Variants in NFIL3 observed in about 807,000 individuals in gnomAD.
NFIL3 encodes nuclear factor interleukin-3-regulated protein.
In NFIL3, 5 loss-of-function variants were observed where a neutral mutation model predicts 10.0. The ratio of observed to expected loss-of-function variants is 0.50; its 90% CI spans 0.26 to 1.06. NFIL3 has a LOEUF of 1.06. Ranked by LOEUF, NFIL3 falls within the 50% of genes least tolerant of loss-of-function variation. The pLI is 0.13. For synonymous variants in NFIL3, 202 were observed against 206.5 expected (o/e 0.98, Z 0.19); for missense variants, 436 against 547.6 (o/e 0.80, Z 2.03).
At chr9:91,458,521 T>C in the NFIL3 span, among the ~76,000 whole-genome samples, 5 of 152,236 alleles carry the variant, frequency 3.3e-5, no homozygotes, top group South Asian at 6.2e-4. Context: ...CCTTCATTTC[T>C]TCTATCTTTT....
chr9:91,445,858 G>A, the NFIL3 span, among the ~76,000 whole-genome samples: 1 of 152,116 alleles, frequency 6.6e-6, no homozygotes, highest in South Asian at 2.1e-4. Context: ...GCTTAGCTCA[G>A]GGGTAGGTTG....
chr9:91,465,461 C>T, the NFIL3 span, among the ~76,000 whole-genome samples: 2 of 150,662 alleles, frequency 1.3e-5, no homozygotes, highest in African/African-American at 4.9e-5. Context: ...ATTCCAGTTT[C>T]ATCTCCCTGC....
chr9:91,454,804 C>T, the NFIL3 span, among the ~76,000 whole-genome samples: 2 of 152,100 alleles, frequency 1.3e-5, no homozygotes, highest in African/African-American at 2.4e-5. Context: ...TGCACTCCAG[C>T]CTGGGAGACA....
chr9:91,445,159 C>G, the NFIL3 span, among the ~76,000 whole-genome samples: 1 of 152,108 alleles, frequency 6.6e-6, no homozygotes, highest in Non-Finnish European at 1.5e-5. Flanking sequence ...TGACTTGGCT[C>G]TGGGAAGAAG....
At chr9:91,448,025 A>G in the NFIL3 span, among the ~76,000 whole-genome samples, 1 of 152,166 alleles carries the variant, frequency 6.6e-6, no homozygotes, top group Admixed American at 6.5e-5. Context: ...TTTGTATGTA[A>G]TATGAACTAG....
At chr9:91,474,558 T>A in the NFIL3 span, among the ~76,000 whole-genome samples, 2 of 152,134 alleles carry the variant, frequency 1.3e-5, no homozygotes, top group African/African-American at 4.8e-5. Context: ...CTAATAAGAG[T>A]TGTTTATTTT....
chr9:91,412,082 C>T, intron 1 of NFIL3, among the ~76,000 whole-genome samples: 1 of 104,876 alleles, frequency 9.5e-6, no homozygotes, highest in East Asian at 3.0e-4. Context: ...AGCCTGGTGA[C>T]AGAGCAAGAC....
chr9:91,439,950 A>G, the NFIL3 span, among the ~76,000 whole-genome samples: 1 of 152,188 alleles, frequency 6.6e-6, no homozygotes, highest in Admixed American at 6.5e-5. Context: ...ATTAATTCTC[A>G]TCAGAGAAAT....
At chr9:91,443,521 G>A in the NFIL3 span, among the ~76,000 whole-genome samples, 1 of 152,264 alleles carries the variant, frequency 6.6e-6, no homozygotes, top group Non-Finnish European at 1.5e-5. Context: ...AGGGCCCAAA[G>A]TTTGGAGGAG....
chr9:91,471,866 G>A, the NFIL3 span, among the ~76,000 whole-genome samples: 1 of 152,112 alleles, frequency 6.6e-6, no homozygotes. Flanking sequence ...CATGTTTAGT[G>A]CTTCCTTCAG....
the NFIL3 span, among the ~76,000 whole-genome samples, chr9:91,452,624 A>C: frequency 6.6e-6 from 1 of 151,914 alleles, no homozygotes; most frequent in Non-Finnish European, 1.5e-5. Context: ...AAAATACAAA[A>C]TAAAAACTAA....
chr9:91,472,298 T>C, the NFIL3 span, among the ~76,000 whole-genome samples: 3 of 152,344 alleles, frequency 2.0e-5, no homozygotes, highest in Non-Finnish European at 4.4e-5. Context: ...CTGCAGAGTG[T>C]TTTCCAACTT....
At chr9:91,424,058 G>A (rs1255479886), upstream of NFIL3, among the ~76,000 whole-genome samples, 3 of 149,134 alleles carry the variant, frequency 2.0e-5, no homozygotes, top group Non-Finnish European at 4.5e-5. Context: ...TCCCCGGCCA[G>A]GGCCACCGCC....
chr9:91,448,016 T>C, the NFIL3 span, among the ~76,000 whole-genome samples: 1 of 152,232 alleles, frequency 6.6e-6, no homozygotes, highest in Non-Finnish European at 1.5e-5. Context: ...TTGTATACTT[T>C]TGTATGTAAT....
At chr9:91,455,488 A>T in the NFIL3 span, among the ~76,000 whole-genome samples, 1 of 152,126 alleles carries the variant, frequency 6.6e-6, no homozygotes, top group African/African-American at 2.4e-5. Context: ...TGTGGCCTAA[A>T]TTGTTCCAGC....
At chr9:91,414,798 G>A (rs1304876095) in intron 1 of NFIL3, among the ~76,000 whole-genome samples, 1 of 152,184 alleles carries the variant, frequency 6.6e-6, no homozygotes. Flanking sequence ...TATACACTGT[G>A]TGTGTTTCCA....
At chr9:91,461,234 A>G in the NFIL3 span, among the ~76,000 whole-genome samples, 1 of 152,236 alleles carries the variant, frequency 6.6e-6, no homozygotes, top group African/African-American at 2.4e-5. Context: ...CAATTTATAC[A>G]CAGAAGAAAA....
the NFIL3 span, among the ~76,000 whole-genome samples, chr9:91,468,937 G>A: frequency 2.0e-5 from 3 of 152,154 alleles, no homozygotes; most frequent in Non-Finnish European, 2.9e-5. Context: ...TTTGGTTACT[G>A]TAGCCTTGTG....
At chr9:91,479,207 C>T in the NFIL3 span, among the ~76,000 whole-genome samples, 2,376 of 152,336 alleles carry the variant, frequency 0.016, 40 homozygotes, top group East Asian at 0.068. Context: ...TCAGAGCCAG[C>T]AGGCAAGAAC....
Sources: allele counts gnomAD v4.1 joint callset (sites outside exome capture counted in the v4.1 genomes callset), GRCh38; gene constraint gnomAD v4.1.1; transcripts MANE v1.5; gene names NCBI Gene and HGNC (gene_info 2026-07-23, HGNC 2026-07-21).